Variants in KIAA1671 observed in about 807,000 individuals in gnomAD.
KIAA1671 encodes the protein KIAA1671.
In KIAA1671, 52 loss-of-function variants were observed where a neutral mutation model predicts 131.2. The observed-to-expected ratio is 0.40, with a 90% confidence interval of 0.32 to 0.50. KIAA1671 has a LOEUF of 0.50. KIAA1671 is among the 20% of genes least tolerant of loss of function. KIAA1671 has a pLI of 0.73. For missense variants in KIAA1671, 2,360 were observed against 2,364.2 expected, an observed-to-expected ratio of 1.00 and a Z score of 0.04; for synonymous variants, 1,003 against 961.6, an observed-to-expected ratio of 1.04 and a Z score of -0.80.
intron 1 of KIAA1671, among the ~76,000 whole-genome samples, chr22:24,963,056 C>T (rs1364871028): frequency 2.6e-5 from 4 of 152,114 alleles, no homozygotes; most frequent in East Asian, 1.9e-4. Flanking sequence ...GAGCTAGCTG[C>T]ACGGTTAGAG....
intron 4 of KIAA1671, among the ~76,000 whole-genome samples, chr22:25,034,192 C>T (rs1926461592): frequency 6.6e-6 from 1 of 152,010 alleles, no homozygotes; most frequent in South Asian, 2.1e-4. Context: ...ATTACAGGCA[C>T]CCACTACCAC....
chr22:25,187,077 G>A (rs142667005), intron 11 of KIAA1671, among the ~76,000 whole-genome samples: 205 of 152,254 alleles, frequency 1.3e-3, no homozygotes, highest in African/African-American at 4.5e-3. Flanking sequence ...GCAGTTGAAG[G>A]CCTGCCCCTA....
chr22:25,044,601 G>C (rs1927122216), intron 5 of KIAA1671, among the ~76,000 whole-genome samples: 1 of 150,620 alleles, frequency 6.6e-6, no homozygotes, highest in African/African-American at 2.5e-5. Context: ...TTTCTCTCTT[G>C]TCTCCTGCCA....
intron 10 of KIAA1671, 137 bp downstream of exon 10, chr22:25,181,960 G>A (rs1032079545): frequency 1.9e-5 from 16 of 845,188 alleles, no homozygotes; most frequent in Admixed American, 5.9e-5. Context: ...GGCGGATCAC[G>A]AGATCAGGAG....
intron 1 of KIAA1671, among the ~76,000 whole-genome samples, chr22:25,003,384 C>G (rs1451373689): frequency 1.3e-5 from 2 of 150,406 alleles, no homozygotes; most frequent in Non-Finnish European, 2.9e-5. Flanking sequence ...AGCCTTATCT[C>G]CTTTCACTTG....
intron 6 of KIAA1671, chr22:25,052,639 C>T (rs1927599363): frequency 1.3e-5 from 2 of 151,960 alleles, no homozygotes; most frequent in Non-Finnish European, 2.9e-5. Flanking sequence ...GAGGACAGAG[C>T]CCAAATGAGA....
chr22:25,174,741 C>T (rs1281048444), intron 8 of KIAA1671: 1 of 419,280 alleles, frequency 2.4e-6, no homozygotes, highest in Non-Finnish European at 4.2e-6. Context: ...TCATCAGCTC[C>T]ACAGCCTCAA....
rs1239821899 is a variant in KIAA1671 at position 25,020,618 on chromosome 22, G to A, written c.-207-5015G>A. ...GGTATTCCTCAGTGCTGGGTGAAGGGGAAGCAGGAAGTGAGATATTGCAGC... is the reference window on the plus strand; with the variant it reads ...GGTATTCCTCAGTGCTGGGTGAAGGAGAAGCAGGAAGTGAGATATTGCAGC... On this transcript the variant is annotated intron_variant, in intron 1 of 12. Coordinates refer to ENST00000358431, the MANE Select transcript of KIAA1671 (RefSeq NM_001145206.2). Among the ~76,000 whole-genome samples, 3 of 152,250 alleles carry A rather than the reference G, an allele frequency of 2.0e-5. No individual in the cohort carries two copies. In the East Asian group the frequency reaches 5.8e-4, roughly 29 times the overall value.
rs1368209190 is a variant in KIAA1671 at position 25,194,208 on chromosome 22, G to A, written c.*1807G>A. 1 of 152,152 alleles carries A rather than the reference G, an allele frequency of 6.6e-6. No homozygotes were observed. Among genetic ancestry groups the A allele is most frequent in the East Asian group, 1.9e-4 (1 of 5,194 alleles). 9.4% of individuals were successfully genotyped at this position (152,152 alleles called of 1,614,324 possible). On this transcript the variant is annotated 3_prime_UTR_variant, in exon 13 of 13. Transcript: ENST00000358431. The stretch of plus-strand genomic sequence containing the variant: ...CCCACCTCAGCCTCCCAAGTAGCTG[G>A]GACTACAGGTGTATGCTACCATGAC...
chr22:25,089,019 A>G (rs771801290), intron 6 of KIAA1671, among the ~76,000 whole-genome samples: 1 of 152,178 alleles, frequency 6.6e-6, no homozygotes, highest in Non-Finnish European at 1.5e-5. Context: ...ACATGTACTG[A>G]CTTTTCTTTT....
At chr22:25,078,883 A>G (rs1929247633) in intron 6 of KIAA1671, among the ~76,000 whole-genome samples, 1 of 152,300 alleles carries the variant, frequency 6.6e-6, no homozygotes. Flanking sequence ...CATGGAGGCA[A>G]AAACGGGCTT....
At chr22:25,170,328 A>G (rs1601379155) in intron 6 of KIAA1671, among the ~76,000 whole-genome samples, 1 of 152,198 alleles carries the variant, frequency 6.6e-6, no homozygotes, top group Non-Finnish European at 1.5e-5. Context: ...TCATGTCAAG[A>G]GCTCAGCCCA....
chr22:24,968,406 A>C (rs919350329), intron 1 of KIAA1671, among the ~76,000 whole-genome samples: 2 of 152,102 alleles, frequency 1.3e-5, no homozygotes, highest in Non-Finnish European at 2.9e-5. Context: ...CTGTGCTGTG[A>C]ATCCAGCTGC....
At chr22:25,082,863 A>G (rs1292570825) in intron 6 of KIAA1671, among the ~76,000 whole-genome samples, 1 of 152,150 alleles carries the variant, frequency 6.6e-6, no homozygotes, top group Non-Finnish European at 1.5e-5. Context: ...AAAACACCTG[A>G]TATTTTATAT....
Position 25,083,036 on chromosome 22 carries a change from G to A in KIAA1671, c.4530+33672G>A, listed in dbSNP as rs537299660. 3.3e-5 allele frequency among the ~76,000 whole-genome samples: 5 copies of A among 152,036 alleles called. No individual in the cohort carries two copies. The South Asian group carries it at 1.0e-3, about 32-fold the overall frequency. ...TATCGTAATCAGAGATTTTTATTTT[G>A]CTCCTCCTATGTGCTGGTGTATTAG... On this transcript the variant is annotated intron_variant, in intron 6 of 12. Transcript: ENST00000358431.
chr22:25,030,340 G>A (rs920881069), intron 3 of KIAA1671, among the ~76,000 whole-genome samples: 43 of 152,274 alleles, frequency 2.8e-4, no homozygotes, highest in African/African-American at 9.6e-4. Context: ...TTTGAGACCA[G>A]CCTGGCCAAC....
Position 24,991,888 on chromosome 22 carries a change from G to C in KIAA1671, c.-207-33745G>C, listed in dbSNP as rs928365722. 3.3e-5 allele frequency among the ~76,000 whole-genome samples: 5 copies of C among 152,096 alleles called. No homozygotes were observed. The South Asian group carries it at 8.3e-4, about 25-fold the overall frequency. ...CCGGGGATGAGTGTAAATAAGCGTGGCGTGTGTGCTTGTTTTCTTGTTTGA... is the reference window on the plus strand; with the variant it reads ...CCGGGGATGAGTGTAAATAAGCGTGCCGTGTGTGCTTGTTTTCTTGTTTGA... On this transcript the variant is annotated intron_variant, in intron 1 of 12. Transcript: ENST00000358431.
intron 1 of KIAA1671, among the ~76,000 whole-genome samples, chr22:24,999,732 G>C (rs186630107): frequency 1.5e-5 from 2 of 129,558 alleles, no homozygotes; most frequent in African/African-American, 5.8e-5. Flanking sequence ...CTGGCTAACT[G>C]TTCAGTTTTT....
chr22:25,047,437 C>A (rs367708461), intron 5 of KIAA1671, among the ~76,000 whole-genome samples: 42 of 149,958 alleles, frequency 2.8e-4, no homozygotes, highest in African/African-American at 9.3e-4. Flanking sequence ...AGGCGTGAGC[C>A]GCCACCACCA....
Sources: allele counts gnomAD v4.1 joint callset (sites outside exome capture counted in the v4.1 genomes callset), GRCh38; gene constraint gnomAD v4.1.1; transcripts MANE v1.5; gene names NCBI Gene and HGNC (gene_info 2026-07-23, HGNC 2026-07-21).